CDH13: variants seen among roughly 807,000 people sequenced by gnomAD.
CDH13 encodes cadherin-13.
Under a neutral mutation model 63.8 loss-of-function variants are expected in CDH13, and 24 were observed. The ratio of observed to expected loss-of-function variants is 0.38; its 90% confidence interval spans 0.27 to 0.53. The LOEUF is 0.53. Ranked by LOEUF, CDH13 falls within the 20% of genes least tolerant of loss-of-function variation. CDH13 has a pLI of 0.85. For missense variants in CDH13, 1,049 were observed against 903.1 expected, an observed-to-expected ratio of 1.16 and a Z score of -2.07; for synonymous variants, 503 against 355.3, an observed-to-expected ratio of 1.42 and a Z score of -4.67.
intron 5 of CDH13, among the ~76,000 whole-genome samples, chr16:83,328,470 A>G (rs1279182834): frequency 6.6e-6 from 1 of 152,238 alleles, no homozygotes; most frequent in African/African-American, 2.4e-5. Context: ...CAATTGACAT[A>G]GGATGATTGG....
At chr16:83,490,983 G>T (rs190344929) in intron 7 of CDH13, among the ~76,000 whole-genome samples, 22 of 152,310 alleles carry the variant, frequency 1.4e-4, no homozygotes, top group Admixed American at 1.3e-3. Flanking sequence ...ACTGGATAAA[G>T]ATCTGTTAGG....
intron 1 of CDH13, among the ~76,000 whole-genome samples, chr16:82,791,702 C>G (rs1017649684): frequency 1.2e-4 from 19 of 152,212 alleles, no homozygotes; most frequent in Non-Finnish European, 2.9e-5. Context: ...GCTCCCATTG[C>G]CACTCCCGAC....
intron 1 of CDH13, among the ~76,000 whole-genome samples, chr16:82,788,728 C>A (rs2036144476): frequency 1.3e-5 from 2 of 152,224 alleles, no homozygotes; most frequent in African/African-American, 4.8e-5. Flanking sequence ...CTGCCAGGAT[C>A]TTTGGAACAA....
chr16:83,303,870 C>G (rs1219961533), intron 5 of CDH13, among the ~76,000 whole-genome samples: 1 of 152,112 alleles, frequency 6.6e-6, no homozygotes, highest in African/African-American at 2.4e-5. Flanking sequence ...TCATGACAGG[C>G]TTAGTGGGGC....
chr16:83,723,516 G>C (rs2150939877), intron 10 of CDH13, among the ~76,000 whole-genome samples: 1 of 152,222 alleles, frequency 6.6e-6, no homozygotes, highest in South Asian at 2.1e-4. Context: ...TCATGTGACT[G>C]TCTCCTTTTC....
chr16:82,734,160 C>G (rs925982183), intron 1 of CDH13, among the ~76,000 whole-genome samples: 2 of 152,218 alleles, frequency 1.3e-5, no homozygotes, highest in African/African-American at 2.4e-5. Flanking sequence ...AATGGGCCAA[C>G]TTTGGCCCAC....
intron 3 of CDH13, among the ~76,000 whole-genome samples, chr16:83,056,760 G>T (rs1352882152): frequency 6.6e-6 from 1 of 152,046 alleles, no homozygotes; most frequent in African/African-American, 2.4e-5. Flanking sequence ...TGAATCACGG[G>T]GGTGGGTTTT....
intron 10 of CDH13, among the ~76,000 whole-genome samples, chr16:83,682,981 C>T (rs977684197): frequency 6.6e-6 from 1 of 152,194 alleles, no homozygotes; most frequent in Admixed American, 6.5e-5. Context: ...AGTCCAACTC[C>T]TGGGCCACGT....
intron 1 of CDH13, among the ~76,000 whole-genome samples, chr16:82,808,360 A>G (rs906719143): frequency 1.3e-5 from 2 of 152,160 alleles, no homozygotes; most frequent in Non-Finnish European, 2.9e-5. Context: ...TCTACTTTCT[A>G]GGGAATTACA....
chr16:82,820,451 G>T (rs1209654919), intron 1 of CDH13, among the ~76,000 whole-genome samples: 1 of 152,154 alleles, frequency 6.6e-6, no homozygotes, highest in African/African-American at 2.4e-5. Context: ...TGAAACTGAG[G>T]CACAGAGAAT....
At chr16:83,306,029 C>T (rs1018420367) in intron 5 of CDH13, among the ~76,000 whole-genome samples, 1 of 152,174 alleles carries the variant, frequency 6.6e-6, no homozygotes, top group African/African-American at 2.4e-5. Context: ...ACAGAATATT[C>T]AGCAGCATCC....
At chr16:83,527,068 C>G (rs771391634) in intron 7 of CDH13, among the ~76,000 whole-genome samples, 1 of 151,934 alleles carries the variant, frequency 6.6e-6, no homozygotes, top group Non-Finnish European at 1.5e-5. Context: ...GAGGCGGAGG[C>G]TGCTGTAAGC....
intron 3 of CDH13, among the ~76,000 whole-genome samples, chr16:83,057,589 TAA>T (rs11354363): frequency 1.3e-3 from 189 of 147,548 alleles, no homozygotes; most frequent in African/African-American, 2.2e-3. Flanking sequence ...TTTCTATTGT[TAA>T]AAAAAAAAAA....
chr16:83,483,610 A>G (rs1359798630), intron 6 of CDH13, among the ~76,000 whole-genome samples: 2 of 152,140 alleles, frequency 1.3e-5, no homozygotes, highest in Non-Finnish European at 2.9e-5. Flanking sequence ...TTCATTAGAC[A>G]TTAACTAAGT....
chr16:82,667,971 C>G (rs10514549), intron 1 of CDH13, among the ~76,000 whole-genome samples: 39,700 of 152,064 alleles, frequency 0.26, 6,079 homozygotes, highest in Non-Finnish European at 0.36. Flanking sequence ...AACACAGGTT[C>G]TCGTCTCTAC....
At chr16:82,890,342 G>T (rs1020255588) in intron 2 of CDH13, among the ~76,000 whole-genome samples, 1 of 152,174 alleles carries the variant, frequency 6.6e-6, no homozygotes, top group Non-Finnish European at 1.5e-5. Flanking sequence ...TTTCAGTAAG[G>T]CATGTGAGTT....
chr16:83,017,396 C>T (rs554306604), intron 2 of CDH13, among the ~76,000 whole-genome samples: 61 of 152,254 alleles, frequency 4.0e-4, no homozygotes, highest in Admixed American at 1.6e-3. Flanking sequence ...AGAATAACTT[C>T]GAACATTTAC....
At chr16:82,724,911 C>T (rs2033005411) in intron 1 of CDH13, among the ~76,000 whole-genome samples, 1 of 152,182 alleles carries the variant, frequency 6.6e-6, no homozygotes, top group East Asian at 1.9e-4. Flanking sequence ...GACTCAGCTT[C>T]CCCACCTATA....
intron 5 of CDH13, among the ~76,000 whole-genome samples, chr16:83,265,474 A>G (rs1321383303): frequency 3.3e-5 from 5 of 152,274 alleles, no homozygotes; most frequent in African/African-American, 9.6e-5. Flanking sequence ...TCCCTTTTAC[A>G]TAACTGTCTT....
Sources: gnomAD v4.1 joint callset for allele counts (sites outside exome capture counted in the v4.1 genomes callset) on GRCh38, gnomAD v4.1.1 for gene constraint, MANE v1.5 for transcripts, NCBI Gene and HGNC (gene_info 2026-07-23, HGNC 2026-07-21) for gene names.